Variants in ADCY7 observed in about 807,000 individuals in gnomAD.
The protein encoded by ADCY7 is adenylate cyclase type 7.
Under a neutral mutation model 120.6 loss-of-function variants are expected in ADCY7, and 72 were observed. The observed-to-expected ratio is 0.60, with a 90% CI of 0.49 to 0.73. The LOEUF (loss-of-function observed/expected upper bound fraction) is 0.73, where lower values mean the gene tolerates loss of function less well. Among genes scored for constraint, ADCY7 ranks in the 30% least tolerant of loss-of-function variants. ADCY7 has a pLI of 0.00. For missense variants in ADCY7, 1,227 were observed against 1,486.0 expected (o/e 0.83, Z 2.87); for synonymous variants, 661 against 628.0 (o/e 1.05, Z -0.78).
At chr16:50,314,937 G>C (rs887738579) in intron 24 of ADCY7, 77 bp from the exon 25 acceptor site, 1 of 1,577,436 alleles carries the variant, frequency 6.3e-7, no homozygotes, top group Admixed American at 1.8e-5. Context: ...CTGGGGTATG[G>C]ATTCTCTGGC....
chr16:50,252,241 G>A (rs190615336), intron 1 of ADCY7, among the ~76,000 whole-genome samples: 1 of 152,336 alleles, frequency 6.6e-6, no homozygotes, highest in East Asian at 1.9e-4. Context: ...AGGGTGGGTG[G>A]AAGCAGGAGG....
At chr16:50,251,825 T>C (rs1208228867) in intron 1 of ADCY7, among the ~76,000 whole-genome samples, 2 of 152,196 alleles carry the variant, frequency 1.3e-5, no homozygotes, top group Non-Finnish European at 2.9e-5. Context: ...GATCGCAGGG[T>C]GCTGGGCCAC....
intron 1 of ADCY7, among the ~76,000 whole-genome samples, chr16:50,279,314 C>T (rs1239278899): frequency 6.6e-6 from 1 of 152,184 alleles, no homozygotes; most frequent in Non-Finnish European, 1.5e-5. Context: ...CGTGAGGTCC[C>T]CCATGGCCAG....
rs910002766 is a variant in ADCY7 at position 50,312,273 on chromosome 16, G to A, written c.2604+82G>A. ...CGTAGGGTGAAGGTGTGGAGCTGGA[G>A]TGCATGCTGAGCTTGGCTTCCTCAG... On this transcript the variant is annotated intron_variant, in intron 21 of 25. Transcript: ENST00000673801. The A allele has an allele frequency of 4.6e-6, 7 of 1,517,250 alleles. No homozygotes were observed. In the African/African-American group the frequency reaches 8.2e-5, roughly 18 times the overall value. 94.0% of individuals were successfully genotyped at this position (1,517,250 alleles called of 1,614,324 possible).
chr16:50,311,912 A>G (rs1454065743), intron 20 of ADCY7, 124 bp from the exon 21 acceptor site: 1 of 1,487,218 alleles, frequency 6.7e-7, no homozygotes, highest in African/African-American at 1.4e-5. Context: ...CTGCCAGGAA[A>G]GCACTGGTCC....
At chr16:50,313,742 C>G in intron 22 of ADCY7, 1 of 560,138 alleles carries the variant, frequency 1.8e-6, no homozygotes, top group Non-Finnish European at 3.2e-6. Flanking sequence ...AAGAGGGAGA[C>G]AGTGTGGGGA....
rs141503658 is a variant in ADCY7 at position 50,310,635 on chromosome 16, C to T, written c.2161-52C>T. 1,420 of 1,604,568 alleles carry T rather than the reference C, an allele frequency of 8.8e-4. 14 individuals are homozygous for T. The African/African-American group carries it at 0.011, about 13-fold the overall frequency. ...TCTGTGGTATGTGCTGGGCTGGAGG[C>T]GAGAGTACGTGGTGGGGTGGCCCTG... On this transcript the variant is annotated intron_variant, in intron 18 of 25. Coordinates refer to ENST00000673801, the MANE Select transcript of ADCY7 (RefSeq NM_001114.5).
chr16:50,247,083 G>A (rs2032613525), intron 1 of ADCY7, among the ~76,000 whole-genome samples: 2 of 152,244 alleles, frequency 1.3e-5, no homozygotes, highest in Non-Finnish European at 2.9e-5. Flanking sequence ...ATGAATGCAT[G>A]ACCAACAGGA....
In ADCY7 at chr16:50,308,361, G is replaced by C; in HGVS notation, c.1885G>C (p.Ala629Pro). 6.2e-7 allele frequency: 1 copy of C among 1,614,182 alleles called. No individual in the cohort carries two copies. Among genetic ancestry groups the C allele is most frequent in the Non-Finnish European group, 8.5e-7 (1 of 1,180,038 alleles). The change falls in exon 16 of 26, where the codon GCC becomes CCC. Residue 629 changes from alanine (A) to proline (P), a missense_variant. Ala to Pro is a conservative substitution (Grantham distance 27). Around this residue, in one of 5 missense-constraint regions of ADCY7, gnomAD observed 267 missense variants for 270.0 expected, o/e 0.99. Coordinates refer to ENST00000673801, the MANE Select transcript of ADCY7 (RefSeq NM_001114.5). ...ACTGGGTGTGTCCTTCGGGCTGGTGGCCTGTGTACTGGGGCTGGTGCTGGG... is the reference window on the plus strand; with the variant it reads ...ACTGGGTGTGTCCTTCGGGCTGGTGCCCTGTGTACTGGGGCTGGTGCTGGG... The part of the protein sequence containing the change: ...AALGVSFGLV[A>P]CVLGLVLGLC...
At position 50,293,338 on chromosome 16, in the gene ADCY7, G is replaced by A; in HGVS notation, c.688-16G>A. The A allele has an allele frequency of 6.2e-7, 1 of 1,610,584 alleles. No individual in the cohort carries two copies. The highest frequency in any genetic ancestry group is 8.5e-7 in the Non-Finnish European group (1 of 1,177,800). On this transcript the variant is annotated splice_polypyrimidine_tract_variant and intron_variant, in intron 5 of 25. Coordinates refer to ENST00000673801, the MANE Select transcript of ADCY7 (RefSeq NM_001114.5). ...GCTTTGCTGGTCCCTCTGCTGGTCT[G>A]CCCACCCACACCCAGGAGAACCTGC...
intron 25 of ADCY7, 40 bp from the exon 26 acceptor site, chr16:50,315,319 T>C: frequency 6.3e-7 from 1 of 1,592,826 alleles, no homozygotes; most frequent in Non-Finnish European, 8.6e-7. Flanking sequence ...ACAGGTGTTC[T>C]TCCCGCCTCT....
chr16:50,255,385 A>G (rs1392291608), intron 1 of ADCY7, among the ~76,000 whole-genome samples: 6 of 137,392 alleles, frequency 4.4e-5, no homozygotes, highest in Non-Finnish European at 9.1e-5. Context: ...TGCCTGGCCC[A>G]TAAGACTCTG....
At chr16:50,313,233 A>G (rs1300039231) in intron 22 of ADCY7, 197 bp downstream of exon 22, 2 of 576,814 alleles carry the variant, frequency 3.5e-6, no homozygotes, top group Non-Finnish European at 5.7e-6. Flanking sequence ...CCTGGCCAAC[A>G]TGGCGAAACC....
At chr16:50,272,219 C>A (rs1408161147) in intron 1 of ADCY7, among the ~76,000 whole-genome samples, 1 of 152,118 alleles carries the variant, frequency 6.6e-6, no homozygotes, top group Non-Finnish European at 1.5e-5. Flanking sequence ...GCAGAAGGTA[C>A]CTGCAGTGGG....
intron 1 of ADCY7, among the ~76,000 whole-genome samples, chr16:50,246,386 C>A (rs1017688438): frequency 6.6e-6 from 1 of 152,054 alleles, no homozygotes; most frequent in African/African-American, 2.4e-5. Context: ...CCGGGTGGGT[C>A]GGAAATGCTC....
At position 50,304,455 on chromosome 16, in the gene ADCY7, C is replaced by G. The variant is rs181763906; in HGVS notation, c.1464C>G (p.Leu488=). Residue 488 remains leucine (L), a synonymous_variant, in exon 11 of 26, where the codon CTC becomes CTG. Transcript: ENST00000673801. ...MRASVRMTRY[L]ESWGAARPFA... Reference sequence around the variant, plus strand: ...CGTCAGTGCGCATGACCCGGTACCTCGAGTCCTGGGGGGCGGCACGGCCCT... The same window carrying G: ...CGTCAGTGCGCATGACCCGGTACCTGGAGTCCTGGGGGGCGGCACGGCCCT... The G allele has an allele frequency of 1.2e-6, 2 of 1,609,704 alleles. No homozygotes were observed. The highest frequency in any genetic ancestry group is 2.2e-5 in the South Asian group (2 of 90,756).
chr16:50,305,732 A>G, intron 13 of ADCY7, 45 bp from the exon 14 acceptor site: 1 of 1,545,590 alleles, frequency 6.5e-7, no homozygotes, highest in Non-Finnish European at 8.9e-7. Context: ...GAGGGAATGG[A>G]CCCCTTCCCA....
chr16:50,316,360 G>A lies in ADCY7; in HGVS notation c.*855G>A, dbSNP rs1287367831. On this transcript the variant is annotated 3_prime_UTR_variant, in exon 26 of 26. Coordinates refer to ENST00000673801, the MANE Select transcript of ADCY7 (RefSeq NM_001114.5). ...TTGTGAGGCAAGCATTCTGGAGAGA[G>A]GTGCTTTGAAAGTAAGGTGCGGCCT... 1 of 152,352 alleles carries A rather than the reference G, an allele frequency of 6.6e-6. No individual in the cohort carries two copies. The highest frequency in any genetic ancestry group is 1.5e-5 in the Non-Finnish European group (1 of 68,044). The allele number at this position is 152,352 out of a possible 1,614,324, so 9.4% of individuals were successfully genotyped here.
chr16:50,285,909 A>G (rs1341100221), intron 1 of ADCY7, among the ~76,000 whole-genome samples: 2 of 152,164 alleles, frequency 1.3e-5, no homozygotes, highest in African/African-American at 4.8e-5. Context: ...GCCTTTTTGG[A>G]ATCAATGAAT....
Sources: gnomAD v4.1 joint callset for allele counts (sites outside exome capture counted in the v4.1 genomes callset) on GRCh38, gnomAD v4.1.1 for gene constraint, gnomAD v4.1.1 regional missense constraint, MANE v1.5 for transcripts, NCBI Gene and HGNC (gene_info 2026-07-23, HGNC 2026-07-21) for gene names.